ROBO2: variants seen among roughly 807,000 people sequenced by gnomAD.
The protein encoded by ROBO2 is roundabout homolog 2.
ROBO2 carries 53 observed loss-of-function variants against 160.8 expected under a neutral mutation model. That is an observed-to-expected ratio of 0.33 (90% CI 0.26 to 0.41). The LOEUF (loss-of-function observed/expected upper bound fraction) is 0.41, where lower values mean the gene tolerates loss of function less well. Among genes scored for constraint, ROBO2 ranks in the 10% least tolerant of loss-of-function variants. ROBO2 has a pLI of 1.00. For synonymous variants in ROBO2, 664 were observed against 611.7 expected, an observed-to-expected ratio of 1.09 and a Z score of -1.26; for missense variants, 1,577 against 1,722.4, an observed-to-expected ratio of 0.92 and a Z score of 1.49.
At chr3:77,322,190 A>G (rs1177323654) in intron 2 of ROBO2, among the ~76,000 whole-genome samples, 2 of 152,222 alleles carry the variant, frequency 1.3e-5, no homozygotes, top group African/African-American at 2.4e-5. Context: ...ACTTATTCAC[A>G]AAACACAAGA....
intron 2 of ROBO2, among the ~76,000 whole-genome samples, chr3:77,306,530 A>G (rs1033754013): frequency 1.3e-5 from 2 of 152,178 alleles, no homozygotes; most frequent in Admixed American, 1.3e-4. Context: ...TAAAATAAAC[A>G]CACATTTTTA....
At chr3:76,650,578 G>A (rs913253888) in intron 2 of ROBO2, among the ~76,000 whole-genome samples, 1 of 151,712 alleles carries the variant, frequency 6.6e-6, no homozygotes, top group African/African-American at 2.4e-5. Flanking sequence ...ATAATTAACA[G>A]GTGAAAGTTC....
chr3:76,784,174 T>G (rs2108641345), intron 2 of ROBO2, among the ~76,000 whole-genome samples: 1 of 151,286 alleles, frequency 6.6e-6, no homozygotes, highest in African/African-American at 2.4e-5. Flanking sequence ...CCTTGATGAT[T>G]CATGTTCCTT....
intron 2 of ROBO2, among the ~76,000 whole-genome samples, chr3:77,011,263 T>G (rs1486393112): frequency 6.6e-6 from 1 of 152,118 alleles, no homozygotes; most frequent in Non-Finnish European, 1.5e-5. Flanking sequence ...TTTTGTTTGC[T>G]ATCGTATATT....
chr3:77,544,783 T>C (rs932955119), intron 6 of ROBO2, among the ~76,000 whole-genome samples: 2 of 152,080 alleles, frequency 1.3e-5, no homozygotes, highest in Non-Finnish European at 2.9e-5. Context: ...GTTTTCTTGG[T>C]CTCAGTTTTC....
At chr3:77,098,307 G>A (rs764888106) in exon 2 of ROBO2, 2 of 1,614,244 alleles carry the variant, frequency 1.2e-6, no homozygotes, top group Non-Finnish European at 8.5e-7. Context: ...TCTTGGTGAA[G>A]CAGTGAGTCG....
At chr3:76,911,494 T>C (rs985448088) in intron 2 of ROBO2, among the ~76,000 whole-genome samples, 7 of 152,110 alleles carry the variant, frequency 4.6e-5, no homozygotes, top group African/African-American at 1.7e-4. Flanking sequence ...AATGATCAAG[T>C]GATGAAGAAA....
At chr3:76,503,708 T>G (rs1577700947) in intron 2 of ROBO2, among the ~76,000 whole-genome samples, 1 of 152,284 alleles carries the variant, frequency 6.6e-6, no homozygotes, top group East Asian at 1.9e-4. Context: ...GAAAGAAAAC[T>G]ACCTCTCAAT....
chr3:77,278,226 A>G (rs927936624), intron 2 of ROBO2, among the ~76,000 whole-genome samples: 2 of 152,176 alleles, frequency 1.3e-5, no homozygotes, highest in African/African-American at 4.8e-5. Context: ...CAGCCATGCT[A>G]AAGGATTAAG....
intron 2 of ROBO2, among the ~76,000 whole-genome samples, chr3:76,916,917 C>A (rs1049964320): frequency 6.6e-6 from 1 of 151,984 alleles, no homozygotes; most frequent in Non-Finnish European, 1.5e-5. Context: ...GCAAAACACT[C>A]GTCCATTTGA....
At chr3:77,587,628 A>G (rs1319806085) in intron 16 of ROBO2, among the ~76,000 whole-genome samples, 2 of 152,034 alleles carry the variant, frequency 1.3e-5, no homozygotes, top group African/African-American at 4.8e-5. Flanking sequence ...AGTGCCCTAT[A>G]TAAGCTTACT....
At chr3:77,343,427 C>T (rs2067284246) in intron 2 of ROBO2, among the ~76,000 whole-genome samples, 1 of 152,088 alleles carries the variant, frequency 6.6e-6, no homozygotes, top group African/African-American at 2.4e-5. Context: ...TGTTCTGGCG[C>T]TAATCTCTAC....
rs563840347 is a variant in ROBO2 at position 77,048,406 on chromosome 3, A to C, written c.61+7560A>C. ...TGATTACAAAACACATGTGATTCCC[A>C]AGTGAAAGGTGCGACGAATGAAGAT... On this transcript the variant is annotated intron_variant, in intron 1 of 25. Coordinates refer to ENST00000461745, the Ensembl canonical transcript of ROBO2. Among the ~76,000 whole-genome samples the C allele has an allele frequency of 3.9e-5, 6 of 152,282 alleles. No individual in the cohort carries two copies. In the South Asian group the frequency reaches 1.0e-3, roughly 26 times the overall value.
In ROBO2 at chr3:77,096,296, C is replaced by T. The variant is rs577462065; in HGVS notation, c.62-1718C>T. Among the ~76,000 whole-genome samples, 31 of 152,168 alleles carry T rather than the reference C, an allele frequency of 2.0e-4. No individual in the cohort carries two copies. In the South Asian group the frequency reaches 6.4e-3, roughly 32 times the overall value. On this transcript the variant is annotated intron_variant, in intron 1 of 25. Coordinates refer to ENST00000461745, the Ensembl canonical transcript of ROBO2. ...ATATGGTGATTCCTCTCAGCATCTC[C>T]TTTTTATTTACTTGGAGCAGCTGGT...
chr3:76,882,876 A>G (rs1469840236), intron 2 of ROBO2, among the ~76,000 whole-genome samples: 1 of 152,214 alleles, frequency 6.6e-6, no homozygotes, highest in Non-Finnish European at 1.5e-5. Context: ...ATAATTTTGA[A>G]GGTGAATAAC....
intron 2 of ROBO2, among the ~76,000 whole-genome samples, chr3:76,685,170 T>C (rs1249091397): frequency 6.8e-6 from 1 of 147,500 alleles, no homozygotes; most frequent in Non-Finnish European, 1.5e-5. Context: ...AAACTATTCA[T>C]GGGTTGTTGT....
rs533156079 is a variant in ROBO2 at position 77,110,289 on chromosome 3, G to A, written c.388+11949G>A. Among the ~76,000 whole-genome samples, 37 of 152,116 alleles carry A rather than the reference G, an allele frequency of 2.4e-4. 1 individual carries two copies. Among genetic ancestry groups the A allele is most frequent in the Admixed American group, 6.5e-4 (10 of 15,280 alleles). On this transcript the variant is annotated intron_variant, in intron 2 of 25. Coordinates refer to ENST00000461745, the Ensembl canonical transcript of ROBO2. ...GAAAAAGAAATATGATAATAGCAAT[G>A]ATATCTTACTACTTTAGGATACTTT...
chr3:76,411,636 C>A (rs1233551882), intron 2 of ROBO2, among the ~76,000 whole-genome samples: 1 of 152,106 alleles, frequency 6.6e-6, no homozygotes, highest in Non-Finnish European at 1.5e-5. Flanking sequence ...ATCCAACTCT[C>A]CCTCCAACAT....
At chr3:77,577,161 T>A (rs1252933205) in intron 14 of ROBO2, among the ~76,000 whole-genome samples, 1 of 152,112 alleles carries the variant, frequency 6.6e-6, no homozygotes, top group Non-Finnish European at 1.5e-5. Context: ...AAAACCGAGA[T>A]AAGAGTTGTT....
Sources: gnomAD v4.1 joint callset for allele counts (sites outside exome capture counted in the v4.1 genomes callset) on GRCh38, gnomAD v4.1.1 for gene constraint, MANE v1.5 for transcripts, NCBI Gene and HGNC (gene_info 2026-07-23, HGNC 2026-07-21) for gene names.